The following ADAM2 variants were observed in gnomAD, a reference collection of about 807,000 sequenced individuals.
The protein encoded by ADAM2 is disintegrin and metalloproteinase domain-containing protein 2.
In ADAM2, 101 loss-of-function variants were observed where a neutral mutation model predicts 99.3. That is an observed-to-expected ratio of 1.02 (90% CI 0.87 to 1.20). The LOEUF (loss-of-function observed/expected upper bound fraction) is 1.20. Among genes scored for constraint, ADAM2 ranks in the 50% most tolerant of loss-of-function variants. The probability of loss-of-function intolerance (pLI) is 0.00; values close to 1 mark genes in which losing one functional copy is unlikely to be tolerated. For missense variants in ADAM2, 948 were observed against 878.7 expected, an observed-to-expected ratio of 1.08 and a Z score of -1.00; for synonymous variants, 323 against 287.6, an observed-to-expected ratio of 1.12 and a Z score of -1.25.
intron 2 of ADAM2, among the ~76,000 whole-genome samples, chr8:39,836,240 ACAAT>A (rs1805817749): frequency 6.6e-6 from 1 of 152,016 alleles, no homozygotes; most frequent in Non-Finnish European, 1.5e-5. Flanking sequence ...CTATCTTATA[ACAAT>A]CAAGTTATTC....
chr8:39,834,964 A>G (rs1333805517), intron 2 of ADAM2, among the ~76,000 whole-genome samples: 1 of 152,050 alleles, frequency 6.6e-6, no homozygotes, highest in Non-Finnish European at 1.5e-5. Context: ...TGTTCTTGCA[A>G]GGACACCAGT....
intron 10 of ADAM2, among the ~76,000 whole-genome samples, chr8:39,784,817 T>C (rs1307420443): frequency 6.6e-6 from 1 of 152,238 alleles, no homozygotes; most frequent in East Asian, 1.9e-4. Flanking sequence ...GTTGAGCATT[T>C]TCTTCATATG....
intron 15 of ADAM2, among the ~76,000 whole-genome samples, chr8:39,760,738 A>T (rs202145193): frequency 1.5e-5 from 2 of 136,914 alleles, no homozygotes; most frequent in Non-Finnish European, 3.0e-5. Flanking sequence ...AAATAAAAAA[A>T]TAAAAAAAAA....
chr8:39,826,237 T>C (rs1805393808), intron 3 of ADAM2, among the ~76,000 whole-genome samples: 1 of 152,084 alleles, frequency 6.6e-6, no homozygotes, highest in Non-Finnish European at 1.5e-5. Flanking sequence ...GGTATAAAAA[T>C]AGATATATAG....
chr8:39,769,149 C>T (rs1802680059), intron 12 of ADAM2, among the ~76,000 whole-genome samples: 1 of 151,998 alleles, frequency 6.6e-6, no homozygotes, highest in Non-Finnish European at 1.5e-5. Context: ...CTCAAGAAAG[C>T]TAGAATAAAT....
intron 8 of ADAM2, 143 bp from the exon 9 acceptor site, chr8:39,788,394 T>C: frequency 1.8e-6 from 1 of 569,272 alleles, no homozygotes; most frequent in Non-Finnish European, 2.9e-6. Context: ...GATTAGTAAG[T>C]TTAAAATGTT....
chr8:39,763,332 C>A (rs1315580769), intron 14 of ADAM2, among the ~76,000 whole-genome samples: 1 of 152,144 alleles, frequency 6.6e-6, no homozygotes, highest in African/African-American at 2.4e-5. Context: ...AACCTCCCAA[C>A]AGTGCAAAAA....
chr8:39,816,639 C>T (rs938230296), intron 6 of ADAM2, among the ~76,000 whole-genome samples: 1 of 152,144 alleles, frequency 6.6e-6, no homozygotes, highest in African/African-American at 2.4e-5. Flanking sequence ...AAAAGAGGTA[C>T]TGATGAGCTT....
intron 11 of ADAM2, among the ~76,000 whole-genome samples, chr8:39,776,455 G>A (rs1268687373): frequency 2.6e-5 from 4 of 152,094 alleles, no homozygotes; most frequent in Admixed American, 6.6e-5. Context: ...GCTGGCTCCA[G>A]TTACTGCCTG....
chr8:39,826,679 C>A (rs563212101), intron 3 of ADAM2, among the ~76,000 whole-genome samples: 1 of 150,376 alleles, frequency 6.6e-6, no homozygotes, highest in African/African-American at 2.4e-5. Flanking sequence ...GCCGAGACAG[C>A]GCCACTGCAC....
At chr8:39,805,936 A>G (rs534441577) in intron 7 of ADAM2, among the ~76,000 whole-genome samples, 3 of 152,204 alleles carry the variant, frequency 2.0e-5, no homozygotes, top group Non-Finnish European at 4.4e-5. Context: ...AAGCACCCAT[A>G]TAGTCATGGT....
intron 12 of ADAM2, 41 bp from the exon 13 acceptor site, chr8:39,767,292 G>A (rs779689330): frequency 6.7e-7 from 1 of 1,502,658 alleles, no homozygotes; most frequent in Non-Finnish European, 9.2e-7. Flanking sequence ...TTTCCAACTT[G>A]TATTCATATT....
chr8:39,767,923 C>A (rs923687570), intron 12 of ADAM2, among the ~76,000 whole-genome samples: 2 of 151,896 alleles, frequency 1.3e-5, no homozygotes, highest in African/African-American at 2.4e-5. Flanking sequence ...CACACACACA[C>A]ACTCACATTT....
intron 14 of ADAM2, among the ~76,000 whole-genome samples, chr8:39,765,627 CCTTTCTGTCT>C (rs1017134132): frequency 7.7e-4 from 117 of 152,210 alleles, no homozygotes; most frequent in African/African-American, 2.0e-3. Context: ...TTTCTTTCTG[CCTTTCTGTCT>C]CTTTCTGTCT....
intron 6 of ADAM2, among the ~76,000 whole-genome samples, chr8:39,814,236 G>A (rs1163339327): frequency 6.6e-6 from 1 of 152,048 alleles, no homozygotes; most frequent in East Asian, 1.9e-4. Context: ...GCTCACACCT[G>A]TAATCACAGC....
intron 11 of ADAM2, among the ~76,000 whole-genome samples, chr8:39,771,647 C>T (rs546377762): frequency 2.6e-5 from 4 of 152,146 alleles, no homozygotes; most frequent in South Asian, 2.1e-4. Context: ...TCGAAGACCT[C>T]GAATAAATTT....
rs1026368029 is a variant in ADAM2 at position 39,757,084 on chromosome 8, A to G, written c.1614-1173T>C. On this transcript the variant is annotated intron_variant, in intron 15 of 20. Transcript: ENST00000265708. The stretch of plus-strand genomic sequence containing the variant: ...CAATTATTAATATCTCTACTTTAAA[A>G]CATCTAATTTACAGCAAAGGTCTAT... 3.3e-5 allele frequency among the ~76,000 whole-genome samples: 5 copies of G among 152,300 alleles called. No individual in the cohort carries two copies. In the East Asian group the frequency reaches 7.7e-4, roughly 23 times the overall value.
At chr8:39,803,205 C>T (rs150365662) in intron 7 of ADAM2, among the ~76,000 whole-genome samples, 7 of 152,192 alleles carry the variant, frequency 4.6e-5, no homozygotes, top group Middle Eastern at 3.4e-3. Flanking sequence ...TTTGATCAAA[C>T]CGCTCGGTAT....
chr8:39,748,241 TC>T (rs974379861), intron 18 of ADAM2, among the ~76,000 whole-genome samples: 14 of 151,846 alleles, frequency 9.2e-5, no homozygotes, highest in African/African-American at 3.1e-4. Context: ...ACCACGAGAG[TC>T]CTAGAATGTT....
Sources: allele counts gnomAD v4.1 joint callset (sites outside exome capture counted in the v4.1 genomes callset), GRCh38; gene constraint gnomAD v4.1.1; transcripts MANE v1.5; gene names NCBI Gene and HGNC (gene_info 2026-07-23, HGNC 2026-07-21).